The following CCDC142 variants were observed in gnomAD, a reference collection of about 807,000 sequenced individuals.
CCDC142 encodes coiled-coil domain containing 142.
Under a neutral mutation model 83.8 loss-of-function variants are expected in CCDC142, and 67 were observed. That is an observed-to-expected ratio of 0.80 (90% CI 0.66 to 0.98). The LOEUF is 0.98. CCDC142 is among the 50% of genes least tolerant of loss of function. The pLI, the probability that CCDC142 is intolerant of heterozygous loss-of-function variation, is 0.00. For missense variants in CCDC142, 905 were observed against 946.8 expected (o/e 0.96, Z 0.58); for synonymous variants, 421 against 421.2 (o/e 1.00, Z 0.01).
chr2:74,481,558 T>G lies in CCDC142; in HGVS notation c.1022-20A>C. 6.2e-7 allele frequency: 1 copy of G among 1,611,244 alleles called. No individual in the cohort carries two copies. Among genetic ancestry groups the G allele is most frequent in the Non-Finnish European group, 8.5e-7 (1 of 1,177,460 alleles). ...GGGATGCTAGTGGGAGAAATGACTCTGGGGCCTGAAAACAAGGTCTCACTT... is the reference window on the plus strand; with the variant it reads ...GGGATGCTAGTGGGAGAAATGACTCGGGGGCCTGAAAACAAGGTCTCACTT... On this transcript the variant is annotated intron_variant, in intron 1 of 8. Transcript: ENST00000393965.
At position 74,482,068 on chromosome 2, in the gene CCDC142, C is replaced by G. The variant is rs201635411; in HGVS notation, c.770G>C (p.Gly257Ala). 2 of 1,613,472 alleles carry G rather than the reference C, an allele frequency of 1.2e-6. No individual in the cohort carries two copies. The highest frequency in any genetic ancestry group is 2.2e-5 in the East Asian group (1 of 44,894). The change falls in exon 1 of 9, where the codon GGA becomes GCA. Residue 257 changes from glycine (G) to alanine (A), a missense_variant. Physicochemically the swap from Gly to Ala is moderately conservative, Grantham distance 60 (BLOSUM62 0). This residue lies in a region of CCDC142 where 591 missense variants were observed against 571.4 expected (regional missense o/e 1.03). Coordinates refer to ENST00000393965, the MANE Select transcript of CCDC142 (RefSeq NM_001365575.2). The surrounding 1 kb of genome is among the most constrained non-coding windows in gnomAD (Gnocchi z 5.0). Reference protein sequence around the residue: ...VASRLDEALQGSALRDQLRRR... With the variant: ...VASRLDEALQASALRDQLRRR... ...GCGGAGCTGGTCCCTCAACGCCGAT[C>G]CTTGGAGCGCCTCGTCCAGCCGACT...
chr2:74,474,839 G>T, intron 8 of CCDC142, 37 bp from the exon 9 acceptor site: 1 of 1,590,026 alleles, frequency 6.3e-7, no homozygotes, highest in Non-Finnish European at 8.6e-7. Flanking sequence ...TGGCTGCTGG[G>T]GATATACTGA....
chr2:74,477,993 A>AT (rs1215791659), intron 5 of CCDC142, among the ~76,000 whole-genome samples: 30 of 146,314 alleles, frequency 2.1e-4, no homozygotes, highest in African/African-American at 7.6e-4. Context: ...CTAATTAAAA[A>AT]AAAAATATAT....
At chr2:74,478,009 T>A in intron 5 of CCDC142, among the ~76,000 whole-genome samples, 1 of 146,906 alleles carries the variant, frequency 6.8e-6, no homozygotes, top group Non-Finnish European at 1.5e-5. Context: ...TATATATATA[T>A]ATAAATAGAT....
rs1314605106 is a variant in CCDC142 at position 74,482,849 on chromosome 2, T to G, written c.-12A>C. On this transcript the variant is annotated 5_prime_UTR_variant, in exon 1 of 9. Transcript: ENST00000393965. This position sits in a 1 kb window ranked among gnomAD's most constrained non-coding sequence, Gnocchi z 5.0. ...GACGCCTGGGCCATGGGGCGGCGGG[T>G]CCAGAACGAACCTAACGATTCCCAC... 4 of 1,593,578 alleles carry G rather than the reference T, an allele frequency of 2.5e-6. No individual in the cohort carries two copies. The highest frequency in any genetic ancestry group is 3.4e-6 in the Non-Finnish European group (4 of 1,176,852).
In CCDC142 at chr2:74,481,046, G is replaced by A; in HGVS notation, c.1299C>T (p.Thr433=). 6.2e-7 allele frequency: 1 copy of A among 1,614,034 alleles called. No homozygotes were observed. Among genetic ancestry groups the A allele is most frequent in the Non-Finnish European group, 8.5e-7 (1 of 1,179,994 alleles). ...CTCTGCCCAGGAACCAGAGCAAGGT[G>A]GTCTGAAGGGTACAGAGACCTAGGG... ...PVALGLCTLQ[T]TLLWFLGRAQ... is the part of the protein sequence containing the mutation. The change falls in exon 4 of 9, where the codon ACC becomes ACT. Residue 433 remains threonine, a synonymous_variant. Coordinates refer to ENST00000393965, the MANE Select transcript of CCDC142 (RefSeq NM_001365575.2).
rs746360728 is a variant in CCDC142 at position 74,481,871 on chromosome 2, G to C, written c.967C>G (p.Pro323Ala). 5.0e-6 allele frequency: 8 copies of C among 1,614,130 alleles called. No individual in the cohort carries two copies. Among genetic ancestry groups the C allele is most frequent in the Admixed American group, 1.7e-5 (1 of 60,018 alleles). ...GCTGTTGCCCTGGGGTCCCTCCAGG[G>C]TCCCAGATTTAGGTCCAGACTCTGA... ...CAQSLDLNLGPWRDPRATAQQ... is the reference protein window; with the variant it reads ...CAQSLDLNLGAWRDPRATAQQ... The change falls in exon 1 of 9, where the codon CCC becomes GCC. Residue 323 changes from proline (P) to alanine (A), a missense_variant. Physicochemically the swap from Pro to Ala is conservative, Grantham distance 27. Transcript: ENST00000393965.
chr2:74,476,961 C>T (rs888347670), intron 5 of CCDC142, among the ~76,000 whole-genome samples: 2 of 152,136 alleles, frequency 1.3e-5, no homozygotes, highest in African/African-American at 2.4e-5. Flanking sequence ...CCCCCTTCTC[C>T]TCCCTTATTT....
rs566985362 is a variant in CCDC142, at chr2:74,474,315, C to A, written c.*231G>T. The A allele has an allele frequency of 3.4e-4, 157 of 463,162 alleles. 2 individuals are homozygous for A. The highest frequency in any genetic ancestry group is 2.9e-3 in the African/African-American group (144 of 49,808). 28.7% of individuals were successfully genotyped at this position (463,162 alleles called of 1,614,324 possible). On this transcript the variant is annotated 3_prime_UTR_variant, in exon 9 of 9. Transcript: ENST00000393965. ...AGCCAGGATGGTCTTGATCTCCTGA[C>A]CTCATGATCCGCCTGCCTCGGTCTC...
Position 74,475,012 on chromosome 2 carries a change from T to A in CCDC142, c.1900A>T (p.Met634Leu). ...TCCAGCTGCTGGAAGATGCTGAGCA[T>A]GAGCAGGGTCTGGCGGAGATCAGGG... ...LSPDLRQTLLMLSIFQQLDGA... is the reference protein window; with the variant it reads ...LSPDLRQTLLLLSIFQQLDGA... The change falls in exon 8 of 9, where the codon ATG (methionine) becomes TTG (leucine). Residue 634 changes from methionine to leucine, a missense_variant. Transcript: ENST00000393965. 2 of 1,614,040 alleles carry A rather than the reference T, an allele frequency of 1.2e-6. No individual in the cohort carries two copies. Among genetic ancestry groups the A allele is most frequent in the South Asian group, 2.2e-5 (2 of 91,046 alleles).
intron 5 of CCDC142, among the ~76,000 whole-genome samples, chr2:74,478,538 G>C (rs1672377891): frequency 6.6e-6 from 1 of 151,596 alleles, no homozygotes; most frequent in East Asian, 1.9e-4. Flanking sequence ...CACCATACCG[G>C]CTACTTTTTT....
Position 74,474,400 on chromosome 2 carries a change from A to C in CCDC142, c.*146T>G, listed in dbSNP as rs1044992090. On this transcript the variant is annotated 3_prime_UTR_variant, in exon 9 of 9. Coordinates refer to ENST00000393965, the MANE Select transcript of CCDC142 (RefSeq NM_001365575.2). ...CCCAGCCCCTAATCTTGGATTCTTAAGCCCAGGCTCTTTGTAGCTTATTCT... is the reference window on the plus strand; with the variant it reads ...CCCAGCCCCTAATCTTGGATTCTTACGCCCAGGCTCTTTGTAGCTTATTCT... 1 of 1,117,146 alleles carries C rather than the reference A, an allele frequency of 9.0e-7. No homozygotes were observed. The highest frequency in any genetic ancestry group is 1.6e-5 in the African/African-American group (1 of 63,466). The allele number at this position is 1,117,146 out of a possible 1,614,324, so 69.2% of individuals were successfully genotyped here.
At position 74,474,713 on chromosome 2, in the gene CCDC142, A is replaced by T. The variant is rs1456329450; in HGVS notation, c.2086T>A (p.Ser696Thr). 1 of 1,614,066 alleles carries T rather than the reference A, an allele frequency of 6.2e-7. No homozygotes were observed. Among genetic ancestry groups the T allele is most frequent in the East Asian group, 2.2e-5 (1 of 44,860 alleles). ...TGCAGCTGACCTGTCTGGGCTGGAGATGTTCCAGGCTGGAGCGGGGGCTCC... is the reference window on the plus strand; with the variant it reads ...TGCAGCTGACCTGTCTGGGCTGGAGTTGTTCCAGGCTGGAGCGGGGGCTCC... ...SLEPPLQPGTSPAQTGQLQST... is the reference protein window; with the variant it reads ...SLEPPLQPGTTPAQTGQLQST... Residue 696 changes from serine (S) to threonine (T), a missense_variant, in exon 9 of 9, where the codon TCT (serine) becomes ACT (threonine). Coordinates refer to ENST00000393965, the MANE Select transcript of CCDC142 (RefSeq NM_001365575.2).
At chr2:74,480,492 G>A (rs1672416319) in intron 5 of CCDC142, among the ~76,000 whole-genome samples, 1 of 151,766 alleles carries the variant, frequency 6.6e-6, no homozygotes, top group African/African-American at 2.4e-5. Context: ...TAGGGAGGCT[G>A]AGGTGGGAGG....
At position 74,480,829 on chromosome 2, in the gene CCDC142, T is replaced by G. The variant is rs1409614767; in HGVS notation, c.1443A>C (p.Leu481Phe). 6.2e-7 allele frequency: 1 copy of G among 1,613,852 alleles called. No individual in the cohort carries two copies. Among genetic ancestry groups the G allele is most frequent in the Non-Finnish European group, 8.5e-7 (1 of 1,179,866 alleles). ...ALYSLASEES[L>F]ALEVEQQLGL... ...CCAGCTGCTGCTCCACTTCCAGAGC[T>G]AAGCTTTCCTCTGAGGCCAGGCTAT... The change falls in exon 5 of 9, where the codon TTA becomes TTC. Residue 481 changes from leucine (L) to phenylalanine (F), a missense_variant. By Grantham distance (22) the Leu-to-Phe change is conservative. Transcript: ENST00000393965.
In CCDC142 at chr2:74,481,556, T is replaced by C. The variant is rs751723886; in HGVS notation, c.1022-18A>G. 6.8e-5 allele frequency: 110 copies of C among 1,611,642 alleles called. No individual in the cohort carries two copies. The highest frequency in any genetic ancestry group is 8.9e-5 in the Non-Finnish European group (105 of 1,177,956). ...CAGGGATGCTAGTGGGAGAAATGAC[T>C]CTGGGGCCTGAAAACAAGGTCTCAC... On this transcript the variant is annotated intron_variant, in intron 1 of 8. Coordinates refer to ENST00000393965, the MANE Select transcript of CCDC142 (RefSeq NM_001365575.2).
intron 5 of CCDC142, among the ~76,000 whole-genome samples, chr2:74,479,328 G>C (rs138123968): frequency 6.6e-6 from 1 of 152,146 alleles, no homozygotes; most frequent in Non-Finnish European, 1.5e-5. Context: ...ACCCCTATTC[G>C]GGGCAAAGAG....
In CCDC142 at chr2:74,482,667, C is replaced by T. The variant is rs1035833028; in HGVS notation, c.171G>A (p.Trp57Ter). The T allele has an allele frequency of 1.2e-6, 2 of 1,611,042 alleles. No homozygotes were observed. Among genetic ancestry groups the T allele is most frequent in the Non-Finnish European group, 8.5e-7 (1 of 1,179,956 alleles). Residue 57 changes from tryptophan to a stop codon, truncating the protein, a stop_gained, in exon 1 of 9, where the codon TGG becomes TGA. Transcript: ENST00000393965. LOFTEE classifies it high-confidence loss of function. The surrounding 1 kb of genome is among the most constrained non-coding windows in gnomAD (Gnocchi z 5.0). ...PSGTSGGTPWWPTPADVSEDY... is the reference protein window; with the variant it reads ...PSGTSGGTPW ...CCTCGCTCACATCCGCCGGCGTCGG[C>T]CACCACGGCGTCCCTCCAGAAGTTC...
chr2:74,480,665 C>T (rs1672419574), intron 5 of CCDC142, 104 bp downstream of exon 5: 3 of 737,566 alleles, frequency 4.1e-6, no homozygotes, highest in East Asian at 2.5e-5. Flanking sequence ...AGCAGAGACT[C>T]CAAGGAGATT....
Sources: gnomAD v4.1 joint callset for allele counts (sites outside exome capture counted in the v4.1 genomes callset) on GRCh38, gnomAD v4.1.1 for gene constraint, gnomAD v4.1.1 regional missense constraint, Gnocchi (gnomAD v3.1) non-coding constraint, MANE v1.5 for transcripts, NCBI Gene and HGNC (gene_info 2026-07-23, HGNC 2026-07-21) for gene names.